The following SORBS2 variants were observed in gnomAD, a reference collection of about 807,000 sequenced individuals.
SORBS2 encodes the protein sorbin and SH3 domain containing 2.
Under a neutral mutation model 97.7 loss-of-function variants are expected in SORBS2, and 46 were observed. That is an observed-to-expected ratio of 0.47 (90% CI 0.37 to 0.60). The LOEUF is 0.60. SORBS2 is among the 20% of genes least tolerant of loss of function. The pLI is 0.00. For missense variants in SORBS2, 1,316 were observed against 1,282.3 expected, an observed-to-expected ratio of 1.03 and a Z score of -0.40; for synonymous variants, 476 against 473.4, an observed-to-expected ratio of 1.01 and a Z score of -0.07.
intron 1 of SORBS2, among the ~76,000 whole-genome samples, chr4:185,850,030 A>G (rs1243712409): frequency 6.6e-6 from 1 of 152,160 alleles, no homozygotes; most frequent in Non-Finnish European, 1.5e-5. Flanking sequence ...TAAGCCTTCA[A>G]TTCTTCAGGC....
At chr4:185,700,982 C>T (rs994445685) in intron 2 of SORBS2, among the ~76,000 whole-genome samples, 1 of 152,204 alleles carries the variant, frequency 6.6e-6, no homozygotes, top group Non-Finnish European at 1.5e-5. Flanking sequence ...CAGTGGAGAA[C>T]AGTGAAGCTT....
At chr4:185,910,402 T>C (rs1381102054) in intron 1 of SORBS2, among the ~76,000 whole-genome samples, 1 of 152,194 alleles carries the variant, frequency 6.6e-6, no homozygotes, top group Non-Finnish European at 1.5e-5. Context: ...CTTCATTTTA[T>C]CCTCTCCATT....
intron 1 of SORBS2, among the ~76,000 whole-genome samples, chr4:185,921,427 G>A (rs1430411324): frequency 2.6e-5 from 4 of 152,132 alleles, no homozygotes; most frequent in Non-Finnish European, 4.4e-5. Context: ...GAACAACCCA[G>A]ATGCTTTGCA....
intron 1 of SORBS2, among the ~76,000 whole-genome samples, chr4:185,921,547 G>T (rs1254772255): frequency 6.6e-6 from 1 of 152,122 alleles, no homozygotes; most frequent in East Asian, 1.9e-4. Context: ...GAAATGGAAA[G>T]TATTTTAATT....
At chr4:185,842,033 A>G (rs1461483099) in intron 1 of SORBS2, among the ~76,000 whole-genome samples, 3 of 152,238 alleles carry the variant, frequency 2.0e-5, no homozygotes, top group Admixed American at 2.0e-4. Context: ...ACTCCTATCA[A>G]AATGACCAAT....
At chr4:185,812,512 A>G (rs1037273448) in intron 1 of SORBS2, among the ~76,000 whole-genome samples, 1 of 152,354 alleles carries the variant, frequency 6.6e-6, no homozygotes, top group East Asian at 1.9e-4. Context: ...GTGAAGCCCT[A>G]TTAGTGGCTA....
chr4:185,731,866 C>CTCTCTCTCTATATATA (rs1286500642), intron 2 of SORBS2, among the ~76,000 whole-genome samples: 1 of 24,688 alleles, frequency 4.1e-5, no homozygotes, highest in Non-Finnish European at 6.7e-5. Flanking sequence ...CTCTCTCTCT[C>CTCTCTCTCTATATATA]TATATATATA....
In SORBS2 at chr4:185,924,591, G is replaced by A. The variant is rs530784845; in HGVS notation, c.-338+31605C>T. Among the ~76,000 whole-genome samples, 15 of 152,236 alleles carry A rather than the reference G, an allele frequency of 9.9e-5. No homozygotes were observed. The East Asian group carries it at 2.3e-3, about 24-fold the overall frequency. On this transcript the variant is annotated intron_variant, in intron 1 of 20. Transcript: ENST00000284776. Reference sequence around the variant, plus strand: ...ACATGGCTGCCCCACATAACCCCACGTGTGTAGAACATCATGGCGCCCTGC... The same window carrying A: ...ACATGGCTGCCCCACATAACCCCACATGTGTAGAACATCATGGCGCCCTGC...
intron 2 of SORBS2, among the ~76,000 whole-genome samples, chr4:185,714,395 T>TG (rs2098448154): frequency 6.6e-6 from 1 of 152,236 alleles, no homozygotes; most frequent in African/African-American, 2.4e-5. Flanking sequence ...TTAGGTGGCA[T>TG]TAAGTAGAAT....
intron 2 of SORBS2, among the ~76,000 whole-genome samples, chr4:185,696,413 T>C (rs2098175606): frequency 6.6e-6 from 1 of 152,208 alleles, no homozygotes; most frequent in African/African-American, 2.4e-5. Context: ...ATTTCACTAT[T>C]TGCTTTAAAT....
At chr4:185,716,809 G>A (rs1202914279) in intron 2 of SORBS2, among the ~76,000 whole-genome samples, 1 of 152,182 alleles carries the variant, frequency 6.6e-6, no homozygotes, top group Non-Finnish European at 1.5e-5. Context: ...TGCGCAGGCG[G>A]GTCAGAGGCC....
intron 7 of SORBS2, 79 bp downstream of exon 19, chr4:185,622,835 G>T: frequency 7.1e-7 from 1 of 1,403,992 alleles, no homozygotes; most frequent in Non-Finnish European, 9.6e-7. Context: ...CGGGAGTGAT[G>T]AGATGTTGGA....
intron 4 of SORBS2, among the ~76,000 whole-genome samples, chr4:185,633,070 T>C (rs187551186): frequency 1.3e-5 from 2 of 152,202 alleles, no homozygotes; most frequent in Non-Finnish European, 2.9e-5. Flanking sequence ...ACTTAGAAGG[T>C]CAATTTAGTG....
intron 9 of SORBS2, among the ~76,000 whole-genome samples, chr4:185,615,808 TTCTA>T (rs1356685660): frequency 1.3e-5 from 2 of 152,220 alleles, no homozygotes; most frequent in East Asian, 1.9e-4. Flanking sequence ...ATGCTTGCCT[TTCTA>T]TCTTTTATTT....
At chr4:185,915,204 T>A (rs577393243) in intron 1 of SORBS2, among the ~76,000 whole-genome samples, 1 of 152,360 alleles carries the variant, frequency 6.6e-6, no homozygotes, top group East Asian at 1.9e-4. Context: ...AAGTGGACGA[T>A]GACTTTAATA....
intron 1 of SORBS2, among the ~76,000 whole-genome samples, chr4:185,933,524 A>G (rs1238337378): frequency 6.6e-6 from 1 of 152,074 alleles, no homozygotes; most frequent in Non-Finnish European, 1.5e-5. Context: ...GCTGTGCGGG[A>G]GAGTCTGTTG....
chr4:185,679,256 T>C (rs1471719234), intron 2 of SORBS2, among the ~76,000 whole-genome samples: 1 of 152,204 alleles, frequency 6.6e-6, no homozygotes, highest in Non-Finnish European at 1.5e-5. Context: ...CTGTATTCTG[T>C]AGTTCGCATT....
At chr4:185,886,554 C>CAAAAAAAAAAAAAAAAAAAAA (rs1198439527) in intron 1 of SORBS2, among the ~76,000 whole-genome samples, 3 of 72,912 alleles carry the variant, frequency 4.1e-5, no homozygotes, top group Admixed American at 1.5e-4. Context: ...GACTCTGTCT[C>CAAAAAAAAAAAAAAAAAAAAA]AAAAAAAAAA....
intron 1 of SORBS2, among the ~76,000 whole-genome samples, chr4:185,903,029 T>C (rs887171732): frequency 6.6e-6 from 1 of 152,156 alleles, no homozygotes; most frequent in Non-Finnish European, 1.5e-5. Context: ...ACTGATTCCA[T>C]GGGGTGCTGT....
Sources: allele counts gnomAD v4.1 joint callset (sites outside exome capture counted in the v4.1 genomes callset), GRCh38; gene constraint gnomAD v4.1.1; transcripts MANE v1.5; gene names NCBI Gene and HGNC (gene_info 2026-07-23, HGNC 2026-07-21).